VSX2: variants seen among roughly 807,000 people sequenced by gnomAD.
The protein encoded by VSX2 is visual system homeobox 2, also known as ceh-10 homeo domain containing homolog.
VSX2 carries 28 observed loss-of-function variants against 32.1 expected under a neutral mutation model. That is an observed-to-expected ratio of 0.87 (90% confidence interval 0.65 to 1.20). VSX2 has a LOEUF of 1.20. VSX2 is among the 50% of genes most tolerant of loss of function. VSX2 has a pLI of 0.00. For synonymous variants in VSX2, 243 were observed against 214.1 expected, an observed-to-expected ratio of 1.14 and a Z score of -1.18; for missense variants, 506 against 488.7, an observed-to-expected ratio of 1.04 and a Z score of -0.33.
chr14:74,257,945 C>T (rs988936061), intron 3 of VSX2, among the ~76,000 whole-genome samples: 2 of 152,136 alleles, frequency 1.3e-5, no homozygotes, highest in Admixed American at 6.5e-5. Context: ...TGCTAACGAC[C>T]TAATCAAGCA....
rs894661629 is a variant in VSX2, at chr14:74,239,609, A to T, written c.48A>T (p.Thr16=). Residue 16 remains threonine (T), a synonymous_variant, in exon 1 of 5, where the codon ACA becomes ACT. Transcript: ENST00000261980. The stretch of plus-strand genomic sequence containing the variant: ...CGCTGAGCAAGCCCAAATCCGAGAC[A>T]GTGGCCAAGAGTACCTCGGGGGGCG... ...GEALSKPKSE[T]VAKSTSGGAP... 6.4e-7 allele frequency: 1 copy of T among 1,551,304 alleles called. No homozygotes were observed. The highest frequency in any genetic ancestry group is 2.4e-5 in the East Asian group (1 of 40,904).
At chr14:74,244,944 A>AG (rs2079178440) in intron 2 of VSX2, among the ~76,000 whole-genome samples, 4 of 33,622 alleles carry the variant, frequency 1.2e-4, no homozygotes, top group Non-Finnish European at 2.5e-4. Context: ...GAGAGAGAGA[A>AG]AGTGTGTGTG....
In VSX2 at chr14:74,259,460, A is replaced by C. The variant is rs144898465; in HGVS notation, c.580-142A>C. On this transcript the variant is annotated intron_variant, in intron 3 of 4. Coordinates refer to ENST00000261980, the MANE Select transcript of VSX2 (RefSeq NM_182894.3). ...CTGAATACTCCCTGAGCCTGGAGGA[A>C]CACAGAGGGCACCATGGAGTAGGCG... 5.1e-5 allele frequency: 44 copies of C among 868,722 alleles called. 2 individuals are homozygous for C. In the African/African-American group the frequency reaches 6.5e-4, roughly 13 times the overall value. The allele number at this position is 868,722 out of a possible 1,614,324, so 53.8% of individuals were successfully genotyped here.
chr14:74,241,330 G>A, intron 2 of VSX2, 64 bp downstream of exon 2: 1 of 1,555,244 alleles, frequency 6.4e-7, no homozygotes, highest in Non-Finnish European at 8.8e-7. Context: ...CCCGTTCCGG[G>A]ATCGGGTCTC....
At chr14:74,240,316 G>A (rs979438567) in intron 1 of VSX2, among the ~76,000 whole-genome samples, 1 of 152,172 alleles carries the variant, frequency 6.6e-6, no homozygotes, top group Admixed American at 6.5e-5. Flanking sequence ...TGTAGGATCC[G>A]CACTCCTCGA....
At chr14:74,257,479 G>A (rs1345986417) in intron 3 of VSX2, among the ~76,000 whole-genome samples, 1 of 152,244 alleles carries the variant, frequency 6.6e-6, no homozygotes, top group Non-Finnish European at 1.5e-5. Flanking sequence ...TAGCTCCCAT[G>A]TTTAGAGGCT....
chr14:74,259,098 A>T (rs993538854), intron 3 of VSX2, among the ~76,000 whole-genome samples: 8 of 151,898 alleles, frequency 5.3e-5, no homozygotes, highest in Non-Finnish European at 1.2e-4. Context: ...TGCCCCTAAG[A>T]CTGTCCCCTG....
At chr14:74,240,799 C>A (rs1175641489) in intron 1 of VSX2, among the ~76,000 whole-genome samples, 3 of 152,138 alleles carry the variant, frequency 2.0e-5, no homozygotes, top group Non-Finnish European at 4.4e-5. Context: ...CTCCGCTCCT[C>A]GCTCCTCGAG....
intron 3 of VSX2, among the ~76,000 whole-genome samples, chr14:74,250,235 TC>T (rs530989844): frequency 0.022 from 809 of 37,078 alleles, 10 homozygotes; most frequent in African/African-American, 0.08. Context: ...GAATCCTGTT[TC>T]AAAAAAAAAA....
intron 3 of VSX2, among the ~76,000 whole-genome samples, chr14:74,249,428 G>A (rs1318150979): frequency 6.6e-6 from 1 of 151,978 alleles, no homozygotes; most frequent in Non-Finnish European, 1.5e-5. Flanking sequence ...CCACCACCAT[G>A]CCTGGCTAAT....
intron 3 of VSX2, among the ~76,000 whole-genome samples, chr14:74,249,260 G>T (rs534974356): frequency 6.6e-6 from 1 of 151,972 alleles, no homozygotes; most frequent in Admixed American, 6.6e-5. Context: ...TCCATACCTC[G>T]TTTCTTCTCT....
At chr14:74,246,877 G>T (rs1184332384) in intron 3 of VSX2, among the ~76,000 whole-genome samples, 7 of 152,106 alleles carry the variant, frequency 4.6e-5, no homozygotes, top group Non-Finnish European at 1.0e-4. Context: ...CTCAGGATTT[G>T]GGGGCAGGCT....
At position 74,259,498 on chromosome 14, in the gene VSX2, G is replaced by A. The variant is rs548117851; in HGVS notation, c.580-104G>A. The stretch of plus-strand genomic sequence containing the variant: ...CATGGAGTAGGCGAGCTTAGGTTAA[G>A]GACGCCCTGCTGGAGAAATCTTCAC... On this transcript the variant is annotated intron_variant, in intron 3 of 4. Coordinates refer to ENST00000261980, the MANE Select transcript of VSX2 (RefSeq NM_182894.3). The A allele has an allele frequency of 3.1e-5, 45 of 1,452,710 alleles. 1 individual carries two copies. The East Asian group carries it at 1.0e-3, about 33-fold the overall frequency. The allele number at this position is 1,452,710 out of a possible 1,614,324, so 90.0% of individuals were successfully genotyped here.
At chr14:74,252,282 G>A (rs2079233794) in intron 3 of VSX2, among the ~76,000 whole-genome samples, 2 of 152,352 alleles carry the variant, frequency 1.3e-5, no homozygotes, top group South Asian at 2.1e-4. Context: ...CCTTCCCTGG[G>A]CCCAGTCTTT....
chr14:74,247,124 C>T (rs1566885321), intron 3 of VSX2, among the ~76,000 whole-genome samples: 1 of 152,076 alleles, frequency 6.6e-6, no homozygotes, highest in Non-Finnish European at 1.5e-5. Flanking sequence ...CCTTTGAGCA[C>T]CACATGCCTG....
At chr14:74,248,886 G>A (rs1311125005) in intron 3 of VSX2, among the ~76,000 whole-genome samples, 1 of 152,174 alleles carries the variant, frequency 6.6e-6, no homozygotes. Context: ...CCAGGGAGGT[G>A]CCTCCTGAGT....
chr14:74,244,066 G>A (rs1459632118), intron 2 of VSX2, among the ~76,000 whole-genome samples: 2 of 152,220 alleles, frequency 1.3e-5, no homozygotes, highest in African/African-American at 4.8e-5. Flanking sequence ...GAAAAGAGAA[G>A]AGTTTGTGTC....
intron 3 of VSX2, among the ~76,000 whole-genome samples, chr14:74,255,183 A>C (rs191710258): frequency 1.2e-4 from 18 of 152,320 alleles, no homozygotes; most frequent in African/African-American, 4.1e-4. Context: ...TGGGAATTCC[A>C]GGTCAGGACT....
chr14:74,258,877 C>T (rs1394597210), intron 3 of VSX2, among the ~76,000 whole-genome samples: 1 of 152,210 alleles, frequency 6.6e-6, no homozygotes. Flanking sequence ...CCCATTTGCT[C>T]CTCAACCCTG....
Sources: allele counts gnomAD v4.1 joint callset (sites outside exome capture counted in the v4.1 genomes callset), GRCh38; gene constraint gnomAD v4.1.1; transcripts MANE v1.5; gene names NCBI Gene and HGNC (gene_info 2026-07-23, HGNC 2026-07-21).